SH3BP4: variants seen among roughly 807,000 people sequenced by gnomAD.
The protein encoded by SH3BP4 is SH3 domain binding protein 4.
SH3BP4 carries 33 observed loss-of-function variants against 65.5 expected under a neutral mutation model. The ratio of observed to expected loss-of-function variants is 0.50; its 90% CI spans 0.38 to 0.67. The LOEUF (loss-of-function observed/expected upper bound fraction) is 0.67. Among genes scored for constraint, SH3BP4 ranks in the 30% least tolerant of loss-of-function variants. The pLI is 0.00. For synonymous variants in SH3BP4, 552 were observed against 545.5 expected (o/e 1.01, Z -0.17); for missense variants, 1,134 against 1,261.4 (o/e 0.90, Z 1.53).
At chr2:234,969,652 G>A (rs1365227332) in intron 1 of SH3BP4, among the ~76,000 whole-genome samples, 3 of 152,186 alleles carry the variant, frequency 2.0e-5, no homozygotes, top group Non-Finnish European at 4.4e-5. Flanking sequence ...CACAGCACAC[G>A]GAGCCTGGCA....
In SH3BP4 at chr2:235,011,135, G is replaced by C. The variant is rs537027167; in HGVS notation, c.-133+15759G>C. On this transcript the variant is annotated intron_variant, in intron 2 of 5. Transcript: ENST00000392011. ...AGGAGAACCCTTCCTCCCTCTCCTA[G>C]GAGAACCCTTCCTCCCTCTCCTAGG... is the stretch of plus-strand genomic sequence containing the variant. 1.5e-3 allele frequency among the ~76,000 whole-genome samples: 164 copies of C among 108,532 alleles called. 1 individual carries two copies. Among genetic ancestry groups the C allele is most frequent in the Middle Eastern group, 0.013 (2 of 158 alleles). The allele number at this position is 108,532 out of a possible 152,430, so 71.2% of individuals were successfully genotyped here.
At chr2:235,036,747 A>AATAATAATC (rs1013684569) in intron 3 of SH3BP4, among the ~76,000 whole-genome samples, 2 of 151,094 alleles carry the variant, frequency 1.3e-5, no homozygotes, top group African/African-American at 4.9e-5. Context: ...AAAAAATAAT[A>AATAATAATC]ATAATAATAA....
At chr2:235,048,792 C>T (rs892740061) in intron 4 of SH3BP4, among the ~76,000 whole-genome samples, 2 of 152,246 alleles carry the variant, frequency 1.3e-5, no homozygotes, top group African/African-American at 4.8e-5. Flanking sequence ...AAAGTACTAT[C>T]TGTCCCTTTA....
intron 1 of SH3BP4, among the ~76,000 whole-genome samples, chr2:234,957,765 A>G (rs752539264): frequency 3.9e-5 from 6 of 151,922 alleles, no homozygotes; most frequent in Non-Finnish European, 8.8e-5. Context: ...GTGGTGATGA[A>G]TTTGTTCAAG....
At position 235,054,011 on chromosome 2, in the gene SH3BP4, C is replaced by A; in HGVS notation, c.*195C>A. 1.8e-6 allele frequency: 1 copy of A among 543,244 alleles called. No individual in the cohort carries two copies. The highest frequency in any genetic ancestry group is 2.9e-5 in the South Asian group (1 of 34,506). 33.7% of individuals were successfully genotyped at this position (543,244 alleles called of 1,614,324 possible). A position where few individuals can be genotyped will look rare whatever the true frequency, so the allele number is the denominator to read the frequency against. Reference sequence around the variant, plus strand: ...GGCCTGAAGGGACTGCCTACTGCAGCTCGTTGCCAATCACATAGCTTTCTA... The same window carrying A: ...GGCCTGAAGGGACTGCCTACTGCAGATCGTTGCCAATCACATAGCTTTCTA... On this transcript the variant is annotated 3_prime_UTR_variant, in exon 6 of 6. Coordinates refer to ENST00000392011, the MANE Select transcript of SH3BP4 (RefSeq NM_014521.3).
chr2:234,998,397 G>A (rs1426916692), intron 2 of SH3BP4, among the ~76,000 whole-genome samples: 1 of 152,244 alleles, frequency 6.6e-6, no homozygotes, highest in Non-Finnish European at 1.5e-5. Context: ...GAAGAAATGG[G>A]TGGTAGCGGA....
At chr2:234,988,718 A>AG (rs1441902435) in intron 1 of SH3BP4, among the ~76,000 whole-genome samples, 4 of 152,058 alleles carry the variant, frequency 2.6e-5, no homozygotes, top group Non-Finnish European at 5.9e-5. Context: ...CACGGTGTGT[A>AG]GGGGGGACGC....
At chr2:234,954,726 T>C (rs1692550201) in intron 1 of SH3BP4, among the ~76,000 whole-genome samples, 1 of 152,202 alleles carries the variant, frequency 6.6e-6, no homozygotes, top group African/African-American at 2.4e-5. Flanking sequence ...GTTTACGCCC[T>C]TGAATCCTGG....
intron 1 of SH3BP4, among the ~76,000 whole-genome samples, chr2:234,982,105 A>G (rs1261363134): frequency 6.6e-6 from 1 of 152,162 alleles, no homozygotes; most frequent in Non-Finnish European, 1.5e-5. Context: ...ACACTAAAAC[A>G]TTATTAGTTG....
intron 3 of SH3BP4, among the ~76,000 whole-genome samples, chr2:235,038,265 T>TAG (rs1695461808): frequency 2.4e-5 from 1 of 41,230 alleles, no homozygotes; most frequent in African/African-American, 1.1e-4. Flanking sequence ...ATAATATATA[T>TAG]TATATATAAT....
At position 235,042,765 on chromosome 2, in the gene SH3BP4, G is replaced by C; in HGVS notation, c.1996G>C (p.Val666Leu). The C allele has an allele frequency of 6.2e-7, 1 of 1,614,188 alleles. No individual in the cohort carries two copies. Among genetic ancestry groups the C allele is most frequent in the Non-Finnish European group, 8.5e-7 (1 of 1,180,032 alleles). ...GTTTGGTAAGTTGCTCAAGACTGTG[G>C]TGCGGCAGAACAAGAACCACTACCT... ...LKFGKLLKTVVRQNKNHYLLE... is the reference protein window; with the variant it reads ...LKFGKLLKTVLRQNKNHYLLE... Residue 666 changes from valine to leucine, a missense_variant, in exon 4 of 6, where the codon GTG becomes CTG. Physicochemically the swap from Val to Leu is conservative, Grantham distance 32. Transcript: ENST00000392011. The surrounding 1 kb of genome is among the most constrained non-coding windows in gnomAD (Gnocchi z 7.3).
chr2:235,032,490 A>G (rs570212168), intron 2 of SH3BP4, among the ~76,000 whole-genome samples: 1 of 152,194 alleles, frequency 6.6e-6, no homozygotes, highest in Non-Finnish European at 1.5e-5. Context: ...CACTCAGCCT[A>G]TTGAAGTCAG....
intron 1 of SH3BP4, among the ~76,000 whole-genome samples, chr2:234,955,858 G>A (rs1223594205): frequency 6.6e-6 from 1 of 152,174 alleles, no homozygotes; most frequent in African/African-American, 2.4e-5. Flanking sequence ...ATTTTACAGG[G>A]AAGCTACGAG....
At chr2:235,005,662 A>G (rs141497325) in intron 2 of SH3BP4, among the ~76,000 whole-genome samples, 7 of 152,298 alleles carry the variant, frequency 4.6e-5, no homozygotes, top group Admixed American at 2.6e-4. Context: ...TGTCCAGGCT[A>G]CAGGCTGACC....
chr2:235,028,771 A>AT (rs1312974926), intron 2 of SH3BP4, among the ~76,000 whole-genome samples: 1 of 152,138 alleles, frequency 6.6e-6, no homozygotes, highest in Non-Finnish European at 1.5e-5. Flanking sequence ...AAAGACCTGA[A>AT]TGAAGTGAGG....
intron 2 of SH3BP4, among the ~76,000 whole-genome samples, chr2:234,996,234 T>C (rs529870881): frequency 4.6e-5 from 7 of 152,296 alleles, no homozygotes; most frequent in African/African-American, 1.7e-4. Flanking sequence ...CAGCTCACAG[T>C]GGGATTCCTT....
intron 2 of SH3BP4, among the ~76,000 whole-genome samples, chr2:235,004,302 G>A (rs1423830221): frequency 6.6e-6 from 1 of 152,050 alleles, no homozygotes; most frequent in Admixed American, 6.5e-5. Context: ...TAGTCGCCTC[G>A]GTGGCACTGG....
rs752102196 is a variant in SH3BP4, at chr2:235,046,803, C to T, written c.2478+3556C>T. 2.6e-5 allele frequency among the ~76,000 whole-genome samples: 4 copies of T among 152,108 alleles called. No homozygotes were observed. Among genetic ancestry groups the T allele is most frequent in the Admixed American group, 6.5e-5 (1 of 15,268 alleles). ...CCTTGGGCTGGGCTAAGAATCCAAG[C>T]GGGAGGCATTCTCACGTGGCCATAC... On this transcript the variant is annotated intron_variant, in intron 4 of 5. Coordinates refer to ENST00000392011, the MANE Select transcript of SH3BP4 (RefSeq NM_014521.3). The surrounding 1 kb of genome is among the most constrained non-coding windows in gnomAD (Gnocchi z 4.2).
chr2:234,958,359 G>A (rs959062392), intron 1 of SH3BP4, among the ~76,000 whole-genome samples: 3 of 152,124 alleles, frequency 2.0e-5, no homozygotes, highest in Non-Finnish European at 4.4e-5. Context: ...CATGGTGAGC[G>A]GGGCTGGGAC....
Sources: gnomAD v4.1 joint callset for allele counts (sites outside exome capture counted in the v4.1 genomes callset) on GRCh38, gnomAD v4.1.1 for gene constraint, Gnocchi (gnomAD v3.1) non-coding constraint, MANE v1.5 for transcripts, NCBI Gene and HGNC (gene_info 2026-07-23, HGNC 2026-07-21) for gene names.